Variants in UNC79 observed in about 807,000 individuals in gnomAD.
The protein encoded by UNC79 is protein unc-79 homolog.
A neutral mutation model predicts 283.1 loss-of-function variants in UNC79; 37 were observed. The ratio of observed to expected loss-of-function variants is 0.13; its 90% CI spans 0.10 to 0.17. The LOEUF (loss-of-function observed/expected upper bound fraction) is 0.17. Ranked by LOEUF, UNC79 falls within the 10% of genes least tolerant of loss-of-function variation. The pLI is 1.00. For missense variants in UNC79, 2,272 were observed against 3,211.1 expected, an observed-to-expected ratio of 0.71 and a Z score of 7.07; for synonymous variants, 1,107 against 1,200.2, an observed-to-expected ratio of 0.92 and a Z score of 1.61.
At chr14:93,567,282 G>A (rs7147460) in intron 14 of UNC79, among the ~76,000 whole-genome samples, 88,163 of 152,098 alleles carry the variant, frequency 0.58, 26,367 homozygotes, top group Admixed American at 0.66. Flanking sequence ...CTGGAGTGTA[G>A]TGGCGCAATC....
chr14:93,643,164 A>T (rs1241193399), intron 33 of UNC79, among the ~76,000 whole-genome samples: 1 of 152,188 alleles, frequency 6.6e-6, no homozygotes, highest in African/African-American at 2.4e-5. Flanking sequence ...TTGCATTTTT[A>T]ACTTCAACAA....
chr14:93,656,662 A>G (rs1213440395), intron 38 of UNC79, among the ~76,000 whole-genome samples: 2 of 151,912 alleles, frequency 1.3e-5, no homozygotes, highest in African/African-American at 4.8e-5. Flanking sequence ...TCAAAAATAA[A>G]TAAACAAATA....
chr14:93,472,288 G>C (rs2057549532), intron 2 of UNC79, among the ~76,000 whole-genome samples: 1 of 152,054 alleles, frequency 6.6e-6, no homozygotes, highest in Admixed American at 6.6e-5. Context: ...ATTAATAAAG[G>C]TGGTATTCTT....
intron 41 of UNC79, among the ~76,000 whole-genome samples, chr14:93,677,252 G>A (rs2073421152): frequency 6.6e-6 from 1 of 152,078 alleles, no homozygotes. Flanking sequence ...TCTTCCATGG[G>A]GCCACACATG....
intron 1 of UNC79, chr14:93,437,456 G>T (rs1021397505): frequency 6.6e-6 from 1 of 152,084 alleles, no homozygotes; most frequent in African/African-American, 2.4e-5. Context: ...GGTCATGCGA[G>T]TCTTTTGCAT....
At chr14:93,405,682 C>A (rs1049696017) in intron 1 of UNC79, among the ~76,000 whole-genome samples, 8 of 152,142 alleles carry the variant, frequency 5.3e-5, no homozygotes, top group Non-Finnish European at 7.4e-5. Context: ...TAAGAAAATT[C>A]TGTATGTTTG....
intron 42 of UNC79, among the ~76,000 whole-genome samples, chr14:93,683,974 C>T (rs74370050): frequency 0.024 from 3,620 of 152,194 alleles, 113 homozygotes; most frequent in African/African-American, 0.073. Context: ...TGATCTATGC[C>T]ATGAACATAT....
At chr14:93,515,264 ATGTGTGTGTGTGTG>A (rs3060596) in intron 7 of UNC79, among the ~76,000 whole-genome samples, 9 of 149,660 alleles carry the variant, frequency 6.0e-5, no homozygotes, top group South Asian at 2.1e-4. Flanking sequence ...CCATATGTAT[ATGTGTGTGTGTGTG>A]TGTGTGTGTG....
rs563573813 is a variant in UNC79 at position 93,515,643 on chromosome 14, T to A, written c.899-8335T>A. On this transcript the variant is annotated intron_variant, in intron 7 of 48. Transcript: ENST00000555664. ...TAACCACTAATTTCATATATTTATCTTTCCCTCTATATTCTTACCTTCTCA... is the reference window on the plus strand; with the variant it reads ...TAACCACTAATTTCATATATTTATCATTCCCTCTATATTCTTACCTTCTCA... Among the ~76,000 whole-genome samples the A allele has an allele frequency of 2.0e-5, 3 of 152,276 alleles. No individual in the cohort carries two copies. The Middle Eastern group carries it at 0.01, about 518-fold the overall frequency.
At chr14:93,357,740 TATATATGG>T (rs1280417339) in intron 1 of UNC79, among the ~76,000 whole-genome samples, 7 of 135,902 alleles carry the variant, frequency 5.2e-5, no homozygotes, top group Non-Finnish European at 6.3e-5. Context: ...GATGTATATA[TATATATGG>T]ATATATGGAT....
intron 22 of UNC79, among the ~76,000 whole-genome samples, chr14:93,592,172 CTT>C (rs557283063): frequency 0.014 from 1,685 of 124,616 alleles, 9 homozygotes; most frequent in African/African-American, 0.049. Context: ...ATAACTTTTC[CTT>C]TTTTTTTTTT....
chr14:93,529,371 A>G (rs1427650499), intron 10 of UNC79, 45 bp downstream of exon 10: 1 of 1,597,384 alleles, frequency 6.3e-7, no homozygotes. Context: ...AATCATGACT[A>G]ATGACATAGT....
chr14:93,441,072 C>T (rs1462235401), intron 1 of UNC79, among the ~76,000 whole-genome samples: 1 of 152,082 alleles, frequency 6.6e-6, no homozygotes, highest in Non-Finnish European at 1.5e-5. Flanking sequence ...TTTCTTCTTG[C>T]ATCTTCTGTA....
chr14:93,572,105 A>G (rs747030095), intron 15 of UNC79, 21 bp downstream of exon 15: 1 of 1,609,752 alleles, frequency 6.2e-7, no homozygotes, highest in Non-Finnish European at 8.5e-7. Flanking sequence ...AGTTTAATGA[A>G]GTCACTGTAA....
At chr14:93,444,759 T>C (rs1028347361) in intron 1 of UNC79, among the ~76,000 whole-genome samples, 1 of 152,194 alleles carries the variant, frequency 6.6e-6, no homozygotes, top group African/African-American at 2.4e-5. Context: ...CTTCATCTAT[T>C]CTTATGTCAA....
At chr14:93,347,220 T>TCACCTCA in intron 1 of UNC79, 1 of 1,530,184 alleles carries the variant, frequency 6.5e-7, no homozygotes, top group Non-Finnish European at 8.8e-7. Flanking sequence ...TTACTTGGCC[T>TCACCTCA]CACCTCACCT....
rs542163027 is a variant in UNC79, at chr14:93,582,061, G to A, written c.2662-142G>A. On this transcript the variant is annotated intron_variant, in intron 19 of 48. Transcript: ENST00000555664. ...AGCAATAAGCTCCAGGGTCTTCTGGGGTGTGGTGCCTTGGCCTCTGGCCTC... is the reference window on the plus strand; with the variant it reads ...AGCAATAAGCTCCAGGGTCTTCTGGAGTGTGGTGCCTTGGCCTCTGGCCTC... 3.3e-5 allele frequency: 39 copies of A among 1,172,598 alleles called. No individual in the cohort carries two copies. In the South Asian group the frequency reaches 4.5e-4, roughly 14 times the overall value. 72.6% of individuals were successfully genotyped at this position (1,172,598 alleles called of 1,614,324 possible). A position where few individuals can be genotyped will look rare whatever the true frequency, so the allele number is the denominator to read the frequency against.
upstream of UNC79, among the ~76,000 whole-genome samples, chr14:93,425,582 A>G (rs1027048857): frequency 3.3e-5 from 5 of 152,314 alleles, no homozygotes; most frequent in Middle Eastern, 0.017. Flanking sequence ...TCATATATAC[A>G]TAAAAAAGTT....
chr14:93,384,474 C>T (rs986227118), intron 1 of UNC79, among the ~76,000 whole-genome samples: 8 of 152,154 alleles, frequency 5.3e-5, no homozygotes, highest in African/African-American at 1.9e-4. Flanking sequence ...CTTTTCAATA[C>T]TCCTGTTTAC....
Sources: allele counts gnomAD v4.1 joint callset (sites outside exome capture counted in the v4.1 genomes callset), GRCh38; gene constraint gnomAD v4.1.1; transcripts MANE v1.5; gene names NCBI Gene and HGNC (gene_info 2026-07-23, HGNC 2026-07-21).